The following EYA1 variants were observed in gnomAD, a reference collection of about 807,000 sequenced individuals.
EYA1 encodes the protein protein phosphatase EYA1.
EYA1 carries 16 observed loss-of-function variants against 82.0 expected under a neutral mutation model. The observed-to-expected ratio is 0.20, with a 90% CI of 0.13 to 0.30. The LOEUF is 0.30. Among genes scored for constraint, EYA1 ranks in the 10% least tolerant of loss-of-function variants. EYA1 has a pLI of 1.00. For synonymous variants in EYA1, 261 were observed against 264.4 expected, an observed-to-expected ratio of 0.99 and a Z score of 0.12; for missense variants, 633 against 730.7, an observed-to-expected ratio of 0.87 and a Z score of 1.54.
In EYA1 at chr8:71,215,517, AC is replaced by A; in HGVS notation, c.1476-10del. ...TATTCACACAGTTTGTCCTATGAGA[AC>A]AAAAAGAAAACAAAGACTGTTGAAA... On this transcript the variant is annotated splice_polypyrimidine_tract_variant and intron_variant, in intron 15 of 17. Coordinates refer to ENST00000340726, the MANE Select transcript of EYA1 (RefSeq NM_000503.6). 2.5e-6 allele frequency: 4 copies of A among 1,613,660 alleles called. No homozygotes were observed. The highest frequency in any genetic ancestry group is 3.4e-6 in the Non-Finnish European group (4 of 1,179,554).
chr8:71,319,069 A>T (rs1822233576), intron 6 of EYA1, among the ~76,000 whole-genome samples: 1 of 151,510 alleles, frequency 6.6e-6, no homozygotes, highest in Admixed American at 6.6e-5. Flanking sequence ...CTCTTGCTGC[A>T]TTTGAGACTA....
intron 1 of EYA1, among the ~76,000 whole-genome samples, chr8:71,540,656 T>G (rs1815068808): frequency 6.6e-6 from 1 of 152,168 alleles, no homozygotes; most frequent in African/African-American, 2.4e-5. Context: ...TTCCTGCTGA[T>G]TTTGAAAAAT....
At position 71,539,619 on chromosome 8, in the gene EYA1, T is replaced by C. The variant is rs77170805; in HGVS notation, c.-72-3771A>G. 2.8e-3 allele frequency among the ~76,000 whole-genome samples: 424 copies of C among 152,178 alleles called. 1 individual carries two copies. Among genetic ancestry groups the C allele is most frequent in the Middle Eastern group, 6.8e-3 (2 of 294 alleles). On this transcript the variant is annotated intron_variant, in intron 1 of 18. Coordinates refer to the EYA1 transcript ENST00000643681. ...AGTCCTACCCTCAAAGAAACCCAGC[T>C]AAGGAAAGTGGTGGAGGAGAACTCA...
chr8:71,398,657 G>A (rs1829772793), intron 2 of EYA1, among the ~76,000 whole-genome samples: 1 of 152,220 alleles, frequency 6.6e-6, no homozygotes, highest in Non-Finnish European at 1.5e-5. Flanking sequence ...TCCTCTGGAA[G>A]CTTCGTCTCA....
rs78073074 is a variant in EYA1, at chr8:71,427,841, A to T, written c.34-71330T>A. On this transcript the variant is annotated intron_variant, in intron 2 of 18. Transcript: ENST00000643681. ...TCAAGACTATCTTGGGCAATATAGC[A>T]AAAACCCTATTTCTACAAAAAATAA... is the stretch of plus-strand genomic sequence containing the variant. Among the ~76,000 whole-genome samples, 6 of 152,112 alleles carry T rather than the reference A, an allele frequency of 3.9e-5. No individual in the cohort carries two copies. The East Asian group carries it at 1.2e-3, about 29-fold the overall frequency.
At chr8:71,205,718 G>A (rs761927177) in intron 17 of EYA1, among the ~76,000 whole-genome samples, 41 of 152,134 alleles carry the variant, frequency 2.7e-4, no homozygotes, top group Admixed American at 1.6e-3. Flanking sequence ...GACCATTAAC[G>A]AAAGAGGCAA....
intron 2 of EYA1, among the ~76,000 whole-genome samples, chr8:71,453,587 C>T (rs1047620745): frequency 2.0e-5 from 3 of 152,232 alleles, no homozygotes; most frequent in Non-Finnish European, 4.4e-5. Flanking sequence ...AGAAACTCTA[C>T]AAGCCAGAAG....
At chr8:71,203,866 T>G (rs1259221712) in intron 17 of EYA1, among the ~76,000 whole-genome samples, 1 of 151,796 alleles carries the variant, frequency 6.6e-6, no homozygotes, top group Non-Finnish European at 1.5e-5. Flanking sequence ...GTGAAGAGAG[T>G]TCATGTGACT....
At chr8:71,351,593 G>C (rs1826312131) in intron 3 of EYA1, among the ~76,000 whole-genome samples, 1 of 152,138 alleles carries the variant, frequency 6.6e-6, no homozygotes, top group Non-Finnish European at 1.5e-5. Context: ...ATTTCATGTA[G>C]GAAATAAAAA....
Position 71,215,436 on chromosome 8 carries a change from C to A in EYA1, c.1548G>T (p.Gly516=), listed in dbSNP as rs1220999478. 1 of 1,612,522 alleles carries A rather than the reference C, an allele frequency of 6.2e-7. No individual in the cohort carries two copies. The highest frequency in any genetic ancestry group is 1.1e-5 in the South Asian group (1 of 91,046). ...TTTCTATTGGAAATACAATTCCTAA[C>A]CCATACAGCAGGACTTTCGCCAATG... ...IPALAKVLLY[G]LGIVFPIENI... is the part of the protein sequence containing the mutation. The change falls in exon 16 of 18, where the codon GGG becomes GGT. Residue 516 remains glycine (G), a synonymous_variant. Transcript: ENST00000340726.
Position 71,244,681 on chromosome 8 carries a change from A to G in EYA1, c.1062T>C (p.Thr354=). The G allele has an allele frequency of 6.3e-7, 1 of 1,597,704 alleles. No homozygotes were observed. Residue 354 remains threonine (T), a synonymous_variant, in exon 12 of 18, where the codon ACT becomes ACC. Transcript: ENST00000340726. The part of the protein sequence containing the change: ...YANRYGRDPP[T]SVSLGLRMEE... ...CCATTCGCAGTCCAAGGGAAACTGA[A>G]GTGGGTGGATCCTAAAATAAGAATA...
intron 2 of EYA1, among the ~76,000 whole-genome samples, chr8:71,421,717 C>T (rs1314246846): frequency 6.6e-6 from 1 of 152,166 alleles, no homozygotes; most frequent in Non-Finnish European, 1.5e-5. Flanking sequence ...TTGTCCAGCT[C>T]TTGAGTTGGC....
chr8:71,480,125 C>T (rs1180770891), intron 2 of EYA1, among the ~76,000 whole-genome samples: 1 of 152,156 alleles, frequency 6.6e-6, no homozygotes, highest in Non-Finnish European at 1.5e-5. Flanking sequence ...TGGTGCTTTA[C>T]TCCTAAAGTT....
rs539673079 is a variant in EYA1 at position 71,297,243 on chromosome 8, A to G, written c.826+1804T>C. On this transcript the variant is annotated intron_variant, in intron 9 of 17. Transcript: ENST00000340726. Reference sequence around the variant, plus strand: ...AAATTAGAATTTTTCATTGTTTTCCATGTGGCCTGGCTTTATAGTCCACCA... The same window carrying G: ...AAATTAGAATTTTTCATTGTTTTCCGTGTGGCCTGGCTTTATAGTCCACCA... 2.6e-3 allele frequency among the ~76,000 whole-genome samples: 390 copies of G among 152,262 alleles called. 1 individual carries two copies. The highest frequency in any genetic ancestry group is 8.3e-3 in the African/African-American group (347 of 41,566).
chr8:71,463,710 A>G (rs537246213), intron 2 of EYA1, among the ~76,000 whole-genome samples: 3 of 149,470 alleles, frequency 2.0e-5, no homozygotes, highest in Admixed American at 1.4e-4. Context: ...GTTAGGGTAC[A>G]TCATTTACTT....
At chr8:71,322,100 T>C (rs75686418) in intron 5 of EYA1, 99 bp downstream of exon 5, 14 of 1,221,260 alleles carry the variant, frequency 1.1e-5, no homozygotes, top group African/African-American at 4.5e-5. Flanking sequence ...TGCACTTTCA[T>C]TTAAATTAAG....
At chr8:71,341,516 T>C (rs1825124100) in intron 3 of EYA1, among the ~76,000 whole-genome samples, 1 of 152,226 alleles carries the variant, frequency 6.6e-6, no homozygotes, top group Non-Finnish European at 1.5e-5. Flanking sequence ...TAAATTTATA[T>C]ATTTGACATC....
At chr8:71,274,243 C>G (rs1229987161) in intron 9 of EYA1, among the ~76,000 whole-genome samples, 1 of 152,160 alleles carries the variant, frequency 6.6e-6, no homozygotes, top group Admixed American at 6.5e-5. Context: ...TTGCAGGCCT[C>G]CACTTCTGGA....
chr8:71,274,326 A>C (rs73684741), intron 9 of EYA1, among the ~76,000 whole-genome samples: 71 of 152,256 alleles, frequency 4.7e-4, no homozygotes, highest in African/African-American at 1.5e-3. Flanking sequence ...GGTGGAATTA[A>C]ATGCTTCTAT....
Sources: allele counts gnomAD v4.1 joint callset (sites outside exome capture counted in the v4.1 genomes callset), GRCh38; gene constraint gnomAD v4.1.1; transcripts MANE v1.5; gene names NCBI Gene and HGNC (gene_info 2026-07-23, HGNC 2026-07-21).